DPY19L2: variants seen among roughly 807,000 people sequenced by gnomAD.
DPY19L2 encodes probable C-mannosyltransferase DPY19L2.
DPY19L2 carries 34 observed loss-of-function variants against 97.9 expected under a neutral mutation model. That is an observed-to-expected ratio of 0.35 (90% confidence interval 0.26 to 0.46). The LOEUF (loss-of-function observed/expected upper bound fraction) is 0.46. DPY19L2 is among the 20% of genes least tolerant of loss of function. The pLI, the probability that DPY19L2 is intolerant of heterozygous loss-of-function variation, is 1.00. For synonymous variants in DPY19L2, 230 were observed against 307.9 expected (o/e 0.75, Z 2.65); for missense variants, 623 against 911.4 (o/e 0.68, Z 4.07).
chr12:63,609,628 G>A (rs1886624322), intron 11 of DPY19L2, among the ~76,000 whole-genome samples: 1 of 152,080 alleles, frequency 6.6e-6, no homozygotes, highest in African/African-American at 2.4e-5. Flanking sequence ...CCAGAACTGT[G>A]AGAAATAAAT....
chr12:63,626,028 GCAGA>G (rs1475697297), intron 7 of DPY19L2, among the ~76,000 whole-genome samples: 1 of 149,246 alleles, frequency 6.7e-6, no homozygotes, highest in Non-Finnish European at 1.5e-5. Context: ...GGTTTTAGAG[GCAGA>G]CAGATATAGA....
At chr12:63,646,698 T>A (rs1014217821) in intron 5 of DPY19L2, among the ~76,000 whole-genome samples, 2 of 152,128 alleles carry the variant, frequency 1.3e-5, no homozygotes, top group African/African-American at 4.8e-5. Flanking sequence ...CCACTATGTA[T>A]CCTGGAAAGC....
At chr12:63,579,057 C>T (rs1880403859) in intron 19 of DPY19L2, among the ~76,000 whole-genome samples, 1 of 152,136 alleles carries the variant, frequency 6.6e-6, no homozygotes, top group African/African-American at 2.4e-5. Context: ...ACTGAGTTGT[C>T]ATCTATGGCA....
chr12:63,589,455 T>C (rs1882501202), intron 16 of DPY19L2, among the ~76,000 whole-genome samples: 1 of 133,086 alleles, frequency 7.5e-6, no homozygotes, highest in African/African-American at 2.7e-5. Flanking sequence ...CAGACTCAAG[T>C]ACAATGAGAA....
chr12:63,609,710 A>C (rs564220126), intron 11 of DPY19L2, among the ~76,000 whole-genome samples: 1 of 152,276 alleles, frequency 6.6e-6, no homozygotes, highest in East Asian at 1.9e-4. Context: ...ACACACAGTG[A>C]CTAAGAATAC....
intron 16 of DPY19L2, among the ~76,000 whole-genome samples, chr12:63,584,751 T>C (rs1881490899): frequency 6.6e-6 from 1 of 152,194 alleles, no homozygotes; most frequent in Non-Finnish European, 1.5e-5. Context: ...GCAGTGATGC[T>C]GGCAGTTGAG....
chr12:63,573,250 A>G (rs1245291286), intron 19 of DPY19L2, among the ~76,000 whole-genome samples: 1 of 152,134 alleles, frequency 6.6e-6, no homozygotes, highest in Admixed American at 6.5e-5. Context: ...GTTAACAAAT[A>G]AATTGAAATA....
chr12:63,594,526 GTGTGTGTATGTGTGTA>G (rs145626046), intron 15 of DPY19L2, among the ~76,000 whole-genome samples: 2 of 143,578 alleles, frequency 1.4e-5, no homozygotes, highest in Non-Finnish European at 3.0e-5. Context: ...ATTTGTGTGT[GTGTGTGTATGTGTGTA>G]TGTGTGTATG....
At chr12:63,580,001 A>G (rs1352145317) in intron 19 of DPY19L2, among the ~76,000 whole-genome samples, 1 of 152,154 alleles carries the variant, frequency 6.6e-6, no homozygotes, top group Non-Finnish European at 1.5e-5. Flanking sequence ...AGAAAATGTT[A>G]TAGACTTATT....
chr12:63,572,270 G>A (rs1263563052), intron 19 of DPY19L2, among the ~76,000 whole-genome samples: 4 of 152,124 alleles, frequency 2.6e-5, no homozygotes, highest in African/African-American at 4.8e-5. Context: ...AGTGAATGTC[G>A]GCGGTAGCCA....
At chr12:63,642,978 T>G (rs1892911448) in intron 6 of DPY19L2, among the ~76,000 whole-genome samples, 1 of 152,014 alleles carries the variant, frequency 6.6e-6, no homozygotes, top group South Asian at 2.1e-4. Flanking sequence ...CATATGTATC[T>G]TTTGTTGGAT....
intron 19 of DPY19L2, among the ~76,000 whole-genome samples, chr12:63,571,486 C>T (rs1878835308): frequency 6.6e-6 from 1 of 152,128 alleles, no homozygotes; most frequent in African/African-American, 2.4e-5. Context: ...TAAAATGTCA[C>T]ATCTGTTCCA....
chr12:63,592,131 C>A (rs1883196243), intron 16 of DPY19L2, among the ~76,000 whole-genome samples: 1 of 137,866 alleles, frequency 7.3e-6, no homozygotes, highest in South Asian at 2.4e-4. Flanking sequence ...AAAGACAAGA[C>A]AAGACAGAGA....
At chr12:63,586,247 TATCA>T (rs1565718165) in intron 16 of DPY19L2, among the ~76,000 whole-genome samples, 4 of 152,258 alleles carry the variant, frequency 2.6e-5, no homozygotes, top group Admixed American at 2.6e-4. Context: ...TTAACCAATC[TATCA>T]ATCAAATATG....
Position 63,629,376 on chromosome 12 carries a change from CG to C in DPY19L2, c.804-2851del, listed in dbSNP as rs559934463. On this transcript the variant is annotated intron_variant, in intron 6 of 21. Coordinates refer to ENST00000324472, the MANE Select transcript of DPY19L2 (RefSeq NM_173812.5). The stretch of plus-strand genomic sequence containing the variant: ...CAATGCAGAGAAGTCCTTAAAGGAC[CG>C]GATGCAGCTGAAAACCAAGGCACGA... Among the ~76,000 whole-genome samples, 211 of 152,118 alleles carry C rather than the reference CG, an allele frequency of 1.4e-3. 1 individual carries two copies. The highest frequency in any genetic ancestry group is 2.7e-3 in the Non-Finnish European group (183 of 67,998).
chr12:63,654,899 G>A (rs1894762937), intron 4 of DPY19L2, among the ~76,000 whole-genome samples: 1 of 152,070 alleles, frequency 6.6e-6, no homozygotes, highest in Non-Finnish European at 1.5e-5. Context: ...GGAGACTTCA[G>A]AATCCCTCTG....
chr12:63,645,400 C>A (rs1893278791), intron 5 of DPY19L2, among the ~76,000 whole-genome samples: 1 of 152,064 alleles, frequency 6.6e-6, no homozygotes, highest in Non-Finnish European at 1.5e-5. Context: ...TCTCCATCTG[C>A]ATATTCTCCA....
intron 6 of DPY19L2, among the ~76,000 whole-genome samples, chr12:63,640,190 G>A (rs1375471176): frequency 3.3e-5 from 5 of 152,148 alleles, no homozygotes; most frequent in Non-Finnish European, 7.4e-5. Flanking sequence ...ATCACACACC[G>A]GGGCCTGTCA....
intron 9 of DPY19L2, among the ~76,000 whole-genome samples, chr12:63,619,764 C>T (rs1888392306): frequency 6.6e-6 from 1 of 152,126 alleles, no homozygotes; most frequent in African/African-American, 2.4e-5. Context: ...CTCAGCCTCC[C>T]AAAGTTCTGG....
Sources: allele counts gnomAD v4.1 joint callset (sites outside exome capture counted in the v4.1 genomes callset), GRCh38; gene constraint gnomAD v4.1.1; transcripts MANE v1.5; gene names NCBI Gene and HGNC (gene_info 2026-07-23, HGNC 2026-07-21).